The following KCNA2 variants were observed in gnomAD, a reference collection of about 807,000 sequenced individuals.
The protein encoded by KCNA2 is potassium voltage-gated channel subfamily A member 2, also known as potassium channel, voltage gated shaker related subfamily A, member 2.
Under a neutral mutation model 33.4 loss-of-function variants are expected in KCNA2, and 11 were observed. That is an observed-to-expected ratio of 0.33 (90% CI 0.21 to 0.55). The LOEUF (loss-of-function observed/expected upper bound fraction) is 0.55, where lower values mean the gene tolerates loss of function less well. Among genes scored for constraint, KCNA2 ranks in the 20% least tolerant of loss-of-function variants. KCNA2 has a pLI of 0.93. For missense variants in KCNA2, 291 were observed against 621.6 expected, an observed-to-expected ratio of 0.47 and a Z score of 5.66; for synonymous variants, 222 against 231.3, an observed-to-expected ratio of 0.96 and a Z score of 0.37.
upstream of KCNA2, among the ~76,000 whole-genome samples, chr1:110,611,135 A>G (rs1022111609): frequency 4.6e-5 from 7 of 152,242 alleles, no homozygotes; most frequent in African/African-American, 1.7e-4. Flanking sequence ...GATAATACCC[A>G]TGGAGGTGCA....
rs1649285768 is a variant in KCNA2 at position 110,600,399 on chromosome 1, T to C, written c.*2884A>G. The C allele has an allele frequency of 2.0e-6, 2 of 984,910 alleles. No homozygotes were observed. Among genetic ancestry groups the C allele is most frequent in the African/African-American group, 1.8e-5 (1 of 57,066 alleles). The allele number at this position is 984,910 out of a possible 1,614,324, so 61.0% of individuals were successfully genotyped here. A position where few individuals can be genotyped will look rare whatever the true frequency, so the allele number is the denominator to read the frequency against. On this transcript the variant is annotated 3_prime_UTR_variant, in exon 3 of 3. Transcript: ENST00000316361. ...TGTATTTTGCATCTGAGTTTCAGGT[T>C]GTATATTTGTATGTGGTGTATGTTT...
intron 1 of KCNA2, among the ~76,000 whole-genome samples, chr1:110,629,534 A>T (rs1455400889): frequency 6.6e-6 from 1 of 152,130 alleles, no homozygotes; most frequent in Non-Finnish European, 1.5e-5. Context: ...TCAGTGAGGC[A>T]CCTCTTCCTC....
intron 1 of KCNA2, among the ~76,000 whole-genome samples, chr1:110,620,588 A>G (rs372698309): frequency 1.3e-5 from 2 of 152,248 alleles, no homozygotes; most frequent in African/African-American, 2.4e-5. Flanking sequence ...TGGTCTAGGC[A>G]GGGCATGAAT....
Position 110,604,906 on chromosome 1 carries a change from C to T in KCNA2, c.-124G>A. The T allele has an allele frequency of 2.3e-6, 2 of 880,492 alleles. No homozygotes were observed. Among genetic ancestry groups the T allele is most frequent in the Non-Finnish European group, 1.8e-6 (1 of 562,016 alleles). The allele number at this position is 880,492 out of a possible 1,614,324, so 54.5% of individuals were successfully genotyped here. ...TGGCCTGGTCTCCTGCAGGAGAGCC[C>T]CGAGAGCTCTCTGAGAGCTGGAGAG... On this transcript the variant is annotated 5_prime_UTR_variant, in exon 3 of 3. Transcript: ENST00000316361. The surrounding 1 kb of genome is among the most constrained non-coding windows in gnomAD (Gnocchi z 7.6).
chr1:110,624,209 A>G (rs1650334292), intron 1 of KCNA2, among the ~76,000 whole-genome samples: 1 of 152,288 alleles, frequency 6.6e-6, no homozygotes, highest in Admixed American at 6.5e-5. Flanking sequence ...TATAGCAGGA[A>G]TAGTCAATAT....
rs1307763475 is a variant in KCNA2 at position 110,596,184 on chromosome 1, G to A, written c.*7099C>T. On this transcript the variant is annotated 3_prime_UTR_variant, in exon 3 of 3. Transcript: ENST00000316361. ...GAAAAAAAAAGAGTAGAACTGGAGA[G>A]GTGAAAAGAATGCAAAGGAGGTCAT... 3.5e-5 allele frequency: 34 copies of A among 984,928 alleles called. No homozygotes were observed. Among genetic ancestry groups the A allele is most frequent in the Non-Finnish European group, 3.9e-5 (32 of 829,746 alleles). 61.0% of individuals were successfully genotyped at this position (984,928 alleles called of 1,614,324 possible).
Position 110,601,016 on chromosome 1 carries a change from C to A in KCNA2, c.*2267G>T. 1.0e-6 allele frequency: 1 copy of A among 985,560 alleles called. No homozygotes were observed. Among genetic ancestry groups the A allele is most frequent in the East Asian group, 1.1e-4 (1 of 8,822 alleles). The allele number at this position is 985,560 out of a possible 1,614,324, so 61.1% of individuals were successfully genotyped here. A position where few individuals can be genotyped will look rare whatever the true frequency, so the allele number is the denominator to read the frequency against. ...CTACTCCGTCAAAAGGCAAAGACGC[C>A]CAGTCTGGTGAGTTAAAAGCCCCCT... On this transcript the variant is annotated 3_prime_UTR_variant, in exon 3 of 3. Transcript: ENST00000316361.
Position 110,603,448 on chromosome 1 carries a change from C to T in KCNA2, c.1335G>A (p.Lys445=). ...CPKIPSSPDL[K]KSRSASTISK... is the part of the protein sequence containing the mutation. ...TAATGGTAGAGGCACTTCTACTTTT[C>T]TTTAGGTCAGGGGAGGATGGGATCT... The change falls in exon 3 of 3, where the codon AAG becomes AAA. Residue 445 remains lysine, a synonymous_variant. Transcript: ENST00000316361. This position sits in a 1 kb window ranked among gnomAD's most constrained non-coding sequence, Gnocchi z 5.7. 1 of 1,614,108 alleles carries T rather than the reference C, an allele frequency of 6.2e-7. No homozygotes were observed. Among genetic ancestry groups the T allele is most frequent in the Non-Finnish European group, 8.5e-7 (1 of 1,180,026 alleles).
Position 110,599,586 on chromosome 1 carries a change from T to C in KCNA2, c.*3697A>G. On this transcript the variant is annotated 3_prime_UTR_variant, in exon 3 of 3. Transcript: ENST00000316361. ...CCACAAGCAAGTAAAGGTGGCTCAT[T>C]TTAAGAGACAGGTCTCTATAGGGTC... 1 of 985,422 alleles carries C rather than the reference T, an allele frequency of 1.0e-6. No individual in the cohort carries two copies. Among genetic ancestry groups the C allele is most frequent in the Non-Finnish European group, 1.2e-6 (1 of 829,930 alleles). The allele number at this position is 985,422 out of a possible 1,614,324, so 61.0% of individuals were successfully genotyped here.
chr1:110,609,179 T>G (rs1247778007), upstream of KCNA2, among the ~76,000 whole-genome samples: 1 of 152,166 alleles, frequency 6.6e-6, no homozygotes, highest in Non-Finnish European at 1.5e-5. Context: ...TGGGTTCTCG[T>G]GTCATTTAAA....
At position 110,597,024 on chromosome 1, in the gene KCNA2, T is replaced by C. The variant is rs1172704881; in HGVS notation, c.*6259A>G. 4 of 985,342 alleles carry C rather than the reference T, an allele frequency of 4.1e-6. No individual in the cohort carries two copies. In the African/African-American group the frequency reaches 7.0e-5, roughly 17 times the overall value. The allele number at this position is 985,342 out of a possible 1,614,324, so 61.0% of individuals were successfully genotyped here. On this transcript the variant is annotated 3_prime_UTR_variant, in exon 3 of 3. Coordinates refer to ENST00000316361, the MANE Select transcript of KCNA2 (RefSeq NM_004974.4). ...GGTGGTAGAGTCTTTATTTCACTAA[T>C]GTCATGCCCTAACCACCCAAACTTC...
At position 110,599,366 on chromosome 1, in the gene KCNA2, T is replaced by C; in HGVS notation, c.*3917A>G. Reference sequence around the variant, plus strand: ...GTCAGGCCCTCTAAAAAGTGTTAGCTTGCTTAGCCTTAGATGTATGTTCTT... The same window carrying C: ...GTCAGGCCCTCTAAAAAGTGTTAGCCTGCTTAGCCTTAGATGTATGTTCTT... On this transcript the variant is annotated 3_prime_UTR_variant, in exon 3 of 3. Transcript: ENST00000316361. 2 of 985,420 alleles carry C rather than the reference T, an allele frequency of 2.0e-6. No homozygotes were observed. Among genetic ancestry groups the C allele is most frequent in the Non-Finnish European group, 2.4e-6 (2 of 829,916 alleles). The allele number at this position is 985,420 out of a possible 1,614,324, so 61.0% of individuals were successfully genotyped here.
rs1649106322 is a variant in KCNA2, at chr1:110,596,551, T to C, written c.*6732A>G. Reference sequence around the variant, plus strand: ...TTGTAGCCAGCAGCCATTCAGCCTGTCTCTTTGGTCTTCTCTACCTATGTC... The same window carrying C: ...TTGTAGCCAGCAGCCATTCAGCCTGCCTCTTTGGTCTTCTCTACCTATGTC... On this transcript the variant is annotated 3_prime_UTR_variant, in exon 3 of 3. Coordinates refer to ENST00000316361, the MANE Select transcript of KCNA2 (RefSeq NM_004974.4). The C allele has an allele frequency of 9.2e-6, 2 of 216,970 alleles. No homozygotes were observed. Among genetic ancestry groups the C allele is most frequent in the South Asian group, 3.3e-4 (2 of 5,982 alleles). The allele number at this position is 216,970 out of a possible 1,614,324, so 13.4% of individuals were successfully genotyped here.
rs1649243513 is a variant in KCNA2 at position 110,599,468 on chromosome 1, G to A, written c.*3815C>T. The A allele has an allele frequency of 4.1e-6, 4 of 985,310 alleles. No homozygotes were observed. The highest frequency in any genetic ancestry group is 1.7e-5 in the African/African-American group (1 of 57,230). The allele number at this position is 985,310 out of a possible 1,614,324, so 61.0% of individuals were successfully genotyped here. On this transcript the variant is annotated 3_prime_UTR_variant, in exon 3 of 3. Coordinates refer to ENST00000316361, the MANE Select transcript of KCNA2 (RefSeq NM_004974.4). ...CAGGGCATCCAGGGGAGCCCAACAA[G>A]AGGAAAAGGAAGAGCGTGCCCGGGA...
intron 1 of KCNA2, among the ~76,000 whole-genome samples, chr1:110,611,735 A>C (rs1289665569): frequency 6.6e-6 from 1 of 151,986 alleles, no homozygotes; most frequent in Non-Finnish European, 1.5e-5. Flanking sequence ...TGAAAAAAAA[A>C]AAAAAGGCTG....
In KCNA2 at chr1:110,602,237, A is replaced by AT. The variant is rs75305356; in HGVS notation, c.*1045dup. ...GTTTTAGTTCCATTCCAAATAGTCTATTTTTTTTCCCCTGATGGAGGGATT... is the reference window on the plus strand; with the variant it reads ...GTTTTAGTTCCATTCCAAATAGTCTATTTTTTTTTCCCCTGATGGAGGGATT... On this transcript the variant is annotated 3_prime_UTR_variant, in exon 3 of 3. Coordinates refer to ENST00000316361, the MANE Select transcript of KCNA2 (RefSeq NM_004974.4). The AT allele has an allele frequency of 2.5e-5, 38 of 1,535,586 alleles. No homozygotes were observed. Among genetic ancestry groups the AT allele is most frequent in the Non-Finnish European group, 3.1e-5 (35 of 1,140,020 alleles).
At position 110,600,204 on chromosome 1, in the gene KCNA2, T is replaced by C. The variant is rs1405973539; in HGVS notation, c.*3079A>G. ...TCTGAGTATATGTCTGCATTTCATG[T>C]GTATTGTGCGATATTTTTGGGCATG... On this transcript the variant is annotated 3_prime_UTR_variant, in exon 3 of 3. Transcript: ENST00000316361. The C allele has an allele frequency of 1.0e-6, 1 of 982,878 alleles. No individual in the cohort carries two copies. Among genetic ancestry groups the C allele is most frequent in the African/African-American group, 1.8e-5 (1 of 56,206 alleles). The allele number at this position is 982,878 out of a possible 1,614,324, so 60.9% of individuals were successfully genotyped here.
At chr1:110,614,740 T>C (rs1019038518) in intron 1 of KCNA2, among the ~76,000 whole-genome samples, 28 of 152,168 alleles carry the variant, frequency 1.8e-4, no homozygotes, top group Admixed American at 3.3e-4. Flanking sequence ...ATACCTCCTT[T>C]ATCTCCACTG....
chr1:110,594,648 A>G lies in KCNA2; in HGVS notation c.*8635T>C, dbSNP rs1421677769. Reference sequence around the variant, plus strand: ...CCAGCTTCCTGGGGCCCTTCAAATGAAGGAACCATCCAAGCACGACAACAA... The same window carrying G: ...CCAGCTTCCTGGGGCCCTTCAAATGGAGGAACCATCCAAGCACGACAACAA... On this transcript the variant is annotated 3_prime_UTR_variant, in exon 3 of 3. Transcript: ENST00000316361. 1.0e-6 allele frequency: 1 copy of G among 985,230 alleles called. No individual in the cohort carries two copies. Among genetic ancestry groups the G allele is most frequent in the Admixed American group, 6.2e-5 (1 of 16,232 alleles). The allele number at this position is 985,230 out of a possible 1,614,324, so 61.0% of individuals were successfully genotyped here. A position where few individuals can be genotyped will look rare whatever the true frequency, so the allele number is the denominator to read the frequency against.
Sources: gnomAD v4.1 joint callset for allele counts (sites outside exome capture counted in the v4.1 genomes callset) on GRCh38, gnomAD v4.1.1 for gene constraint, Gnocchi (gnomAD v3.1) non-coding constraint, MANE v1.5 for transcripts, NCBI Gene and HGNC (gene_info 2026-07-23, HGNC 2026-07-21) for gene names.